ROBO2: variants seen among roughly 807,000 people sequenced by gnomAD.
The protein encoded by ROBO2 is roundabout homolog 2.
In ROBO2, 53 loss-of-function variants were observed where a neutral mutation model predicts 160.8. That is an observed-to-expected ratio of 0.33 (90% CI 0.26 to 0.41). The LOEUF is 0.41. Among genes scored for constraint, ROBO2 ranks in the 10% least tolerant of loss-of-function variants. The pLI, the probability that ROBO2 is intolerant of heterozygous loss-of-function variation, is 1.00. For synonymous variants in ROBO2, 664 were observed against 611.7 expected (o/e 1.09, Z -1.26); for missense variants, 1,577 against 1,722.4 (o/e 0.92, Z 1.49).
intron 2 of ROBO2, among the ~76,000 whole-genome samples, chr3:77,236,324 C>T (rs1482861852): frequency 6.6e-6 from 1 of 152,164 alleles, no homozygotes; most frequent in Non-Finnish European, 1.5e-5. Flanking sequence ...CAGATAAACC[C>T]TCTAGGTTGC....
chr3:76,304,381 G>A (rs373052519), intron 2 of ROBO2, among the ~76,000 whole-genome samples: 283 of 152,244 alleles, frequency 1.9e-3, no homozygotes, highest in Middle Eastern at 0.017. Context: ...AAAATAGAAC[G>A]TTAAAGAATT....
At chr3:76,896,968 C>T (rs1422952380) in intron 2 of ROBO2, among the ~76,000 whole-genome samples, 1 of 152,116 alleles carries the variant, frequency 6.6e-6, no homozygotes, top group Non-Finnish European at 1.5e-5. Context: ...AGAGCTAACT[C>T]ACATTTAGGG....
At chr3:76,426,921 G>T (rs753466101) in intron 2 of ROBO2, among the ~76,000 whole-genome samples, 1 of 152,034 alleles carries the variant, frequency 6.6e-6, no homozygotes, top group Non-Finnish European at 1.5e-5. Flanking sequence ...GTTACTCTTC[G>T]TGATGGTGAG....
intron 2 of ROBO2, among the ~76,000 whole-genome samples, chr3:76,778,165 G>T (rs1372977973): frequency 6.6e-6 from 1 of 151,078 alleles, no homozygotes; most frequent in Non-Finnish European, 1.5e-5. Flanking sequence ...TTGTTCTGTT[G>T]TAGAGACATT....
intron 2 of ROBO2, among the ~76,000 whole-genome samples, chr3:76,308,560 C>G (rs1204418992): frequency 6.6e-6 from 1 of 152,104 alleles, no homozygotes; most frequent in East Asian, 1.9e-4. Context: ...CTCATACTTT[C>G]ACAGATACAT....
At chr3:77,632,519 A>G in intron 23 of ROBO2, 1 of 1,535,610 alleles carries the variant, frequency 6.5e-7, no homozygotes, top group East Asian at 2.4e-5. Context: ...GAGGATCGTA[A>G]CTTTTCTAGT....
At chr3:77,403,765 G>A (rs1030132822) in intron 2 of ROBO2, among the ~76,000 whole-genome samples, 2 of 151,974 alleles carry the variant, frequency 1.3e-5, no homozygotes, top group South Asian at 2.1e-4. Context: ...TATATACCCA[G>A]TCATGGGATT....
At chr3:76,889,673 C>T (rs1388315828) in intron 2 of ROBO2, among the ~76,000 whole-genome samples, 1 of 152,046 alleles carries the variant, frequency 6.6e-6, no homozygotes, top group Non-Finnish European at 1.5e-5. Flanking sequence ...ATTAAAATCC[C>T]CTGTGTGGAT....
At chr3:77,620,215 C>T (rs556728839) in intron 22 of ROBO2, among the ~76,000 whole-genome samples, 1 of 152,122 alleles carries the variant, frequency 6.6e-6, no homozygotes, top group African/African-American at 2.4e-5. Context: ...AGTGACTCAC[C>T]ATCTGGGTAG....
intron 2 of ROBO2, among the ~76,000 whole-genome samples, chr3:76,777,878 G>A (rs967702081): frequency 1.3e-5 from 2 of 150,962 alleles, no homozygotes; most frequent in Non-Finnish European, 3.0e-5. Context: ...TCCCATTATT[G>A]TGATTTTCTG....
At chr3:76,999,928 G>A (rs1296751749) in intron 2 of ROBO2, among the ~76,000 whole-genome samples, 1 of 152,008 alleles carries the variant, frequency 6.6e-6, no homozygotes, top group Non-Finnish European at 1.5e-5. Context: ...CATTGCTTTT[G>A]TATCCTCCTG....
chr3:76,048,054 C>T (rs2067508919), intron 2 of ROBO2, among the ~76,000 whole-genome samples: 2 of 152,222 alleles, frequency 1.3e-5, no homozygotes, highest in Admixed American at 6.5e-5. Context: ...TGATACTGAG[C>T]ATTGTATTAG....
intron 2 of ROBO2, among the ~76,000 whole-genome samples, chr3:76,319,965 A>G (rs961754184): frequency 4.9e-4 from 75 of 152,172 alleles, no homozygotes; most frequent in Middle Eastern, 3.4e-3. Context: ...AGGCATCTGT[A>G]TTTGATAAAC....
At chr3:77,585,572 A>G (rs2094024550) in intron 16 of ROBO2, among the ~76,000 whole-genome samples, 1 of 152,086 alleles carries the variant, frequency 6.6e-6, no homozygotes, top group Admixed American at 6.6e-5. Flanking sequence ...AATATGCTGT[A>G]CTCAAAATGT....
At chr3:77,316,562 C>G (rs2064015722) in intron 2 of ROBO2, among the ~76,000 whole-genome samples, 1 of 152,056 alleles carries the variant, frequency 6.6e-6, no homozygotes, top group South Asian at 2.1e-4. Context: ...CTGAAAGGAT[C>G]TTTTTTGGAA....
chr3:77,164,949 C>A (rs2078917532), intron 2 of ROBO2, among the ~76,000 whole-genome samples: 1 of 145,814 alleles, frequency 6.9e-6, no homozygotes, highest in Non-Finnish European at 1.5e-5. Flanking sequence ...GGCGGTCAGC[C>A]CCCCAACCCG....
At chr3:76,838,904 ATC>A (rs1262620948) in intron 2 of ROBO2, among the ~76,000 whole-genome samples, 1 of 152,148 alleles carries the variant, frequency 6.6e-6, no homozygotes, top group African/African-American at 2.4e-5. Context: ...ATGACATTCA[ATC>A]CACATGAAAC....
chr3:76,539,362 T>TA (rs63215964), intron 2 of ROBO2, among the ~76,000 whole-genome samples: 347 of 137,530 alleles, frequency 2.5e-3, no homozygotes, highest in African/African-American at 3.3e-3. Flanking sequence ...TAAGTAAAAT[T>TA]AAAAAAAAAA....
intron 2 of ROBO2, among the ~76,000 whole-genome samples, chr3:77,153,951 T>C (rs1047712489): frequency 7.9e-5 from 12 of 152,170 alleles, no homozygotes; most frequent in Non-Finnish European, 1.8e-4. Flanking sequence ...GGAGAATCTT[T>C]CTTATTTTAA....
Sources: allele counts gnomAD v4.1 joint callset (sites outside exome capture counted in the v4.1 genomes callset), GRCh38; gene constraint gnomAD v4.1.1; transcripts MANE v1.5; gene names NCBI Gene and HGNC (gene_info 2026-07-23, HGNC 2026-07-21).